The following ITK variants were observed in gnomAD, a reference collection of about 807,000 sequenced individuals.
ITK encodes tyrosine-protein kinase ITK/TSK.
A neutral mutation model predicts 87.6 loss-of-function variants in ITK; 45 were observed. That is an observed-to-expected ratio of 0.51 (90% CI 0.40 to 0.66). The LOEUF (loss-of-function observed/expected upper bound fraction) is 0.66. ITK is among the 30% of genes least tolerant of loss of function. ITK has a pLI of 0.00. For synonymous variants in ITK, 303 were observed against 273.6 expected, an observed-to-expected ratio of 1.11 and a Z score of -1.06; for missense variants, 605 against 766.3, an observed-to-expected ratio of 0.79 and a Z score of 2.48.
chr5:157,244,207 G>A (rs997756365), intron 12 of ITK, 55 bp from the exon 13 acceptor site: 36 of 1,374,454 alleles, frequency 2.6e-5, no homozygotes, highest in African/African-American at 1.1e-4. Context: ...TAATATTTTC[G>A]GCATTTTTGG....
At chr5:157,211,958 G>A (rs945504458) in intron 3 of ITK, among the ~76,000 whole-genome samples, 4 of 152,196 alleles carry the variant, frequency 2.6e-5, no homozygotes, top group Non-Finnish European at 4.4e-5. Flanking sequence ...ATATCAGCTA[G>A]CTTTCAAGCT....
chr5:157,191,031 G>A (rs1355569950), intron 1 of ITK, among the ~76,000 whole-genome samples: 1 of 152,198 alleles, frequency 6.6e-6, no homozygotes. Flanking sequence ...ATAGAAGCCA[G>A]GAAGCTGGGT....
intron 11 of ITK, among the ~76,000 whole-genome samples, chr5:157,242,536 C>T (rs145946812): frequency 1.9e-4 from 29 of 152,222 alleles, no homozygotes; most frequent in Non-Finnish European, 4.1e-4. Context: ...GATGCAGTGG[C>T]GTAATCATGG....
At chr5:157,237,849 C>T (rs1286919363) in intron 8 of ITK, among the ~76,000 whole-genome samples, 2 of 152,206 alleles carry the variant, frequency 1.3e-5, no homozygotes, top group Non-Finnish European at 2.9e-5. Flanking sequence ...ACATGGGGAG[C>T]TCTAAAAGGG....
intron 1 of ITK, among the ~76,000 whole-genome samples, chr5:157,193,031 C>T (rs1753783296): frequency 6.6e-6 from 1 of 152,080 alleles, no homozygotes; most frequent in Non-Finnish European, 1.5e-5. Flanking sequence ...GCCTGGGTAA[C>T]ATAGTGAGAT....
chr5:157,185,393 C>T (rs959119250), intron 1 of ITK, among the ~76,000 whole-genome samples: 1 of 152,002 alleles, frequency 6.6e-6, no homozygotes, highest in Non-Finnish European at 1.5e-5. Flanking sequence ...TGCGCGCCAT[C>T]ATGCTTGGCT....
intron 16 of ITK, 52 bp from the exon 17 acceptor site, chr5:157,252,555 C>T: frequency 7.3e-7 from 1 of 1,364,568 alleles, no homozygotes; most frequent in Non-Finnish European, 1.1e-6. Context: ...TTTGGATTTA[C>T]CTATGACGCA....
chr5:157,245,808 T>C lies in ITK; in HGVS notation c.1514+18T>C. ...ATGACAAGGTAAAAGAGGGATGTGG[T>C]GCCGGTGAAGTCTCAGGAATGGGAC... is the stretch of plus-strand genomic sequence containing the variant. On this transcript the variant is annotated intron_variant, in intron 14 of 16. Transcript: ENST00000422843. The C allele has an allele frequency of 6.2e-7, 1 of 1,613,700 alleles. No homozygotes were observed. Among genetic ancestry groups the C allele is most frequent in the Non-Finnish European group, 8.5e-7 (1 of 1,179,574 alleles).
chr5:157,230,059 A>C (rs1754619279), intron 7 of ITK, among the ~76,000 whole-genome samples: 1 of 152,226 alleles, frequency 6.6e-6, no homozygotes, highest in South Asian at 2.1e-4. Flanking sequence ...TAAGATCTGC[A>C]GTTAAGTAAT....
chr5:157,182,850 T>A (rs1235685760), intron 1 of ITK, among the ~76,000 whole-genome samples: 2 of 152,216 alleles, frequency 1.3e-5, no homozygotes, highest in Non-Finnish European at 2.9e-5. Flanking sequence ...TGAATTCAGC[T>A]CAATATTATT....
chr5:157,237,355 A>G (rs1211630949), intron 8 of ITK, among the ~76,000 whole-genome samples: 3 of 152,226 alleles, frequency 2.0e-5, no homozygotes. Context: ...CAAGATAGTA[A>G]CAATAGACAG....
At chr5:157,189,085 G>A (rs1753701684) in intron 1 of ITK, among the ~76,000 whole-genome samples, 2 of 152,114 alleles carry the variant, frequency 1.3e-5, no homozygotes, top group African/African-American at 4.8e-5. Context: ...GCCTTGTCTA[G>A]CCACACAGAG....
intron 1 of ITK, among the ~76,000 whole-genome samples, chr5:157,194,870 G>A (rs1034041947): frequency 6.6e-6 from 1 of 152,200 alleles, no homozygotes; most frequent in Non-Finnish European, 1.5e-5. Context: ...GGTAGAAATT[G>A]CCAAGCTAAG....
intron 8 of ITK, 129 bp downstream of exon 8, chr5:157,232,523 A>G: frequency 2.0e-6 from 1 of 494,930 alleles, no homozygotes; most frequent in Non-Finnish European, 4.0e-6. Flanking sequence ...TCAAGGTTAC[A>G]GTGAGCTATC....
chr5:157,208,726 T>C (rs1425209075), intron 1 of ITK, among the ~76,000 whole-genome samples, 163 bp from the exon 2 acceptor site: 1 of 152,162 alleles, frequency 6.6e-6, no homozygotes, highest in East Asian at 1.9e-4. Context: ...AGAGTGTTTA[T>C]CCCACACTTA....
chr5:157,218,300 T>C (rs1256736646), intron 5 of ITK, among the ~76,000 whole-genome samples: 1 of 151,746 alleles, frequency 6.6e-6, no homozygotes, highest in Non-Finnish European at 1.5e-5. Flanking sequence ...AGCCCAGGAG[T>C]TCGAGACCAG....
chr5:157,220,008 C>T (rs1754381710), intron 5 of ITK, among the ~76,000 whole-genome samples: 1 of 152,246 alleles, frequency 6.6e-6, no homozygotes, highest in East Asian at 1.9e-4. Context: ...ATGTCTAAAT[C>T]CAATGCAACG....
In ITK at chr5:157,252,758, C is replaced by A; in HGVS notation, c.*80C>A. 2 of 1,139,810 alleles carry A rather than the reference C, an allele frequency of 1.8e-6. No homozygotes were observed. Among genetic ancestry groups the A allele is most frequent in the Non-Finnish European group, 2.7e-6 (2 of 750,698 alleles). The allele number at this position is 1,139,810 out of a possible 1,614,324, so 70.6% of individuals were successfully genotyped here. A position where few individuals can be genotyped will look rare whatever the true frequency, so the allele number is the denominator to read the frequency against. On this transcript the variant is annotated 3_prime_UTR_variant, in exon 17 of 17. Transcript: ENST00000422843. ...TCCTCATTCCATAGAGCATTAGAAGCTGCCACCAGCCCAGGACCCTCCAGA... is the reference window on the plus strand; with the variant it reads ...TCCTCATTCCATAGAGCATTAGAAGATGCCACCAGCCCAGGACCCTCCAGA...
At chr5:157,213,673 C>T (rs1754238630) in intron 3 of ITK, 1 of 412,294 alleles carries the variant, frequency 2.4e-6, no homozygotes, top group Non-Finnish European at 4.7e-6. Flanking sequence ...TGAGCCACTA[C>T]ACCCAACTCT....
Sources: allele counts gnomAD v4.1 joint callset (sites outside exome capture counted in the v4.1 genomes callset), GRCh38; gene constraint gnomAD v4.1.1; transcripts MANE v1.5; gene names NCBI Gene and HGNC (gene_info 2026-07-23, HGNC 2026-07-21).